APOL4: variants seen among roughly 807,000 people sequenced by gnomAD.
The protein encoded by APOL4 is apolipoprotein L, 4.
A neutral mutation model predicts 12.1 loss-of-function variants in APOL4; 14 were observed. The ratio of observed to expected loss-of-function variants is 1.16; its 90% confidence interval spans 0.76 to 1.81. The LOEUF is 1.81. Among genes scored for constraint, APOL4 ranks in the 40% most tolerant of loss-of-function variants. The probability of loss-of-function intolerance (pLI) is 0.00; values close to 1 mark genes in which losing one functional copy is unlikely to be tolerated. For missense variants in APOL4, 432 were observed against 423.1 expected (o/e 1.02, Z -0.18); for synonymous variants, 171 against 160.6 (o/e 1.06, Z -0.49).
At chr22:36,203,481 T>C (rs979967490), upstream of APOL4, among the ~76,000 whole-genome samples, 1 of 152,168 alleles carries the variant, frequency 6.6e-6, no homozygotes, top group African/African-American at 2.4e-5. Context: ...ATTTACAATA[T>C]AGTGTGTGCG....
chr22:36,197,168 C>G (rs1361624058), intron 2 of APOL4, among the ~76,000 whole-genome samples: 8 of 152,304 alleles, frequency 5.3e-5, no homozygotes, highest in East Asian at 1.9e-4. Flanking sequence ...CCAGCCCTTC[C>G]TAAGGATTCT....
chr22:36,201,222 C>G (rs993609031), intron 1 of APOL4, among the ~76,000 whole-genome samples: 1 of 150,836 alleles, frequency 6.6e-6, no homozygotes, highest in African/African-American at 2.5e-5. Flanking sequence ...CTTTTCTCAC[C>G]GTGTGTCTCT....
rs2014503421 is a variant in APOL4, at chr22:36,199,376, C to T, written c.36G>A (p.Gly12=). 6.2e-7 allele frequency: 1 copy of T among 1,614,066 alleles called. No individual in the cohort carries two copies. Among genetic ancestry groups the T allele is most frequent in the Non-Finnish European group, 8.5e-7 (1 of 1,179,894 alleles). Residue 12 remains glycine (G), a splice_region_variant and synonymous_variant, in exon 2 of 4, where the codon GGG becomes GGA. Transcript: ENST00000683024. ...GSWVQLITSV[G]VQQNHPGWTV... ...TCCAGCCTGGATGGTTTTGCTGCAC[C>T]CTTGAGGAAGAGAAAACAAATTGTG...
intron 3 of APOL4, among the ~76,000 whole-genome samples, chr22:36,194,369 T>C (rs1603477943): frequency 6.6e-6 from 1 of 152,306 alleles, no homozygotes; most frequent in East Asian, 1.9e-4. Flanking sequence ...TGCAAGTCCA[T>C]GACCATGTTA....
Position 36,197,149 on chromosome 22 carries a change from C to T in APOL4, c.83-1712G>A, listed in dbSNP as rs543238239. 8.6e-3 allele frequency among the ~76,000 whole-genome samples: 1,312 copies of T among 152,266 alleles called. 20 individuals are homozygous for T. The highest frequency in any genetic ancestry group is 0.03 in the African/African-American group (1,256 of 41,546). ...TTCAGAGGGAGAGCTTCTTCCTTGG[C>T]CGCCCAGCCCAGCCCTTCCTAAGGA... On this transcript the variant is annotated intron_variant, in intron 2 of 3. Coordinates refer to ENST00000683024, the MANE Select transcript of APOL4 (RefSeq NM_001386885.1).
At chr22:36,203,208 C>T (rs549931439), upstream of APOL4, among the ~76,000 whole-genome samples, 17 of 152,166 alleles carry the variant, frequency 1.1e-4, no homozygotes, top group African/African-American at 3.6e-4. Flanking sequence ...CTAGGCGGAT[C>T]GGCAGGTTGA....
At chr22:36,194,565 G>A (rs1238588935) in intron 3 of APOL4, among the ~76,000 whole-genome samples, 1 of 152,138 alleles carries the variant, frequency 6.6e-6, no homozygotes. Flanking sequence ...TTGACCTGGA[G>A]TTCATTCTAA....
intron 1 of APOL4, chr22:36,199,734 T>A (rs372521790): frequency 2.2e-4 from 272 of 1,259,898 alleles, no homozygotes; most frequent in African/African-American, 1.6e-3. Flanking sequence ...GAAACATGTG[T>A]GACAACTAAT....
Position 36,191,033 on chromosome 22 carries a change from G to A in APOL4, c.*42C>T, listed in dbSNP as rs1476017715. The stretch of plus-strand genomic sequence containing the variant: ...CGTTCTTCTGCCATGGCTTCAGCCA[G>A]TCCCTCCGTTTGGGGTCCCTGACTT... On this transcript the variant is annotated 3_prime_UTR_variant, in exon 4 of 4. Transcript: ENST00000683024. The A allele has an allele frequency of 6.6e-7, 1 of 1,511,216 alleles. No individual in the cohort carries two copies. Among genetic ancestry groups the A allele is most frequent in the Non-Finnish European group, 8.9e-7 (1 of 1,119,336 alleles). 93.6% of individuals were successfully genotyped at this position (1,511,216 alleles called of 1,614,324 possible).
upstream of APOL4, chr22:36,202,142 T>C: frequency 1.9e-6 from 3 of 1,573,956 alleles, no homozygotes; most frequent in Non-Finnish European, 2.6e-6. Flanking sequence ...CGTTTTGCTG[T>C]GTCACCCAGG....
chr22:36,198,643 T>C (rs1447673634), intron 2 of APOL4, among the ~76,000 whole-genome samples: 1 of 152,148 alleles, frequency 6.6e-6, no homozygotes, highest in African/African-American at 2.4e-5. Context: ...GAACCACCCC[T>C]TAGGGAGGCC....
chr22:36,201,857 A>C (rs975946417), upstream of APOL4: 13 of 1,577,860 alleles, frequency 8.2e-6, no homozygotes, highest in Non-Finnish European at 1.1e-5. Flanking sequence ...CGAGTCTACC[A>C]GTTGGTCAAT....
chr22:36,194,639 T>C (rs1343309273), intron 3 of APOL4, among the ~76,000 whole-genome samples: 1 of 152,038 alleles, frequency 6.6e-6, no homozygotes, highest in East Asian at 1.9e-4. Flanking sequence ...CAGGTCCCAG[T>C]CTCCAAGACA....
At chr22:36,192,199 G>T (rs1007608067) in intron 3 of APOL4, among the ~76,000 whole-genome samples, 19 of 152,130 alleles carry the variant, frequency 1.2e-4, no homozygotes, top group African/African-American at 4.6e-4. Context: ...AATTAGCCAG[G>T]CGTGGTGGTG....
At chr22:36,203,888 T>C (rs1011389286), upstream of APOL4, among the ~76,000 whole-genome samples, 1 of 152,220 alleles carries the variant, frequency 6.6e-6, no homozygotes, top group East Asian at 1.9e-4. Context: ...ATTTCATCTT[T>C]TATTCCGTAG....
At chr22:36,196,254 G>A (rs1219367131) in intron 2 of APOL4, among the ~76,000 whole-genome samples, 1 of 152,160 alleles carries the variant, frequency 6.6e-6, no homozygotes, top group South Asian at 2.1e-4. Flanking sequence ...AAAGAAAAGA[G>A]CATTGAAAAT....
In APOL4 at chr22:36,191,682, G is replaced by A; in HGVS notation, c.440C>T (p.Thr147Ile). The A allele has an allele frequency of 6.2e-7, 1 of 1,614,058 alleles. No homozygotes were observed. Among genetic ancestry groups the A allele is most frequent in the African/African-American group, 1.3e-5 (1 of 75,058 alleles). ...AACGCCAATGACAGACAGGATGCCA[G>A]TGGAGCCAGACACCACATTGGCGAT... ...CVIANVVSGS[T>I]GILSVIGVML... Residue 147 changes from threonine (T) to isoleucine (I), a missense_variant, in exon 4 of 4, where the codon ACT becomes ATT. Physicochemically the swap from Thr to Ile is moderately conservative, Grantham distance 89. Transcript: ENST00000683024.
In APOL4 at chr22:36,195,388, A is replaced by G. The variant is rs1159680898; in HGVS notation, c.132T>C (p.Val44=). 1.2e-6 allele frequency: 2 copies of G among 1,613,632 alleles called. No individual in the cohort carries two copies. The highest frequency in any genetic ancestry group is 2.7e-5 in the African/African-American group (2 of 74,790). Residue 44 remains valine, a synonymous_variant, in exon 3 of 4, where the codon GTT becomes GTC. Transcript: ENST00000683024. ...GCAGGATTTTCAGATGCACTGGGCT[A>G]ACTTTCTTCTGGAAGTATTCAATGA... is the stretch of plus-strand genomic sequence containing the variant. ...EEVIEYFQKK[V]SPVHLKILLT... is the part of the protein sequence containing the mutation.
intron 3 of APOL4, 127 bp from the exon 4 acceptor site, chr22:36,192,039 A>G (rs2014271576): frequency 2.1e-6 from 2 of 971,770 alleles, no homozygotes; most frequent in African/African-American, 3.3e-5. Flanking sequence ...AAGTTCTAAA[A>G]GATAAATAAT....
Sources: gnomAD v4.1 joint callset for allele counts (sites outside exome capture counted in the v4.1 genomes callset) on GRCh38, gnomAD v4.1.1 for gene constraint, MANE v1.5 for transcripts, NCBI Gene and HGNC (gene_info 2026-07-23, HGNC 2026-07-21) for gene names.